Variants in UGT1A8 observed in about 807,000 individuals in gnomAD.
The protein encoded by UGT1A8 is UDP-glucuronosyltransferase 1A8.
Under a neutral mutation model 45.3 loss-of-function variants are expected in UGT1A8, and 39 were observed. That is an observed-to-expected ratio of 0.86 (90% CI 0.67 to 1.12). The LOEUF (loss-of-function observed/expected upper bound fraction) is 1.12, where lower values mean the gene tolerates loss of function less well. Among genes scored for constraint, UGT1A8 ranks in the 50% most tolerant of loss-of-function variants. The probability of loss-of-function intolerance (pLI) is 0.00; values close to 1 mark genes in which losing one functional copy is unlikely to be tolerated. For synonymous variants in UGT1A8, 275 were observed against 249.2 expected (o/e 1.10, Z -0.97); for missense variants, 719 against 664.9 (o/e 1.08, Z -0.90).
At position 233,769,321 on chromosome 2, in the gene UGT1A8, T is replaced by C. The variant is rs571873884; in HGVS notation, c.1295+882T>C. Among the ~76,000 whole-genome samples, 2 of 152,374 alleles carry C rather than the reference T, an allele frequency of 1.3e-5. No individual in the cohort carries two copies. The highest frequency in any genetic ancestry group is 4.1e-4 in the South Asian group (2 of 4,830). ...AGTATATTACTGTCAAGCTCACTGG[T>C]AATAGGCTTATTAGAACCTTATGGG... On this transcript the variant is annotated intron_variant, in intron 4 of 4. Coordinates refer to ENST00000373450, the MANE Select transcript of UGT1A8 (RefSeq NM_019076.5). The surrounding 1 kb of genome is among the most constrained non-coding windows in gnomAD (Gnocchi z 4.4).
intron 1 of UGT1A8, among the ~76,000 whole-genome samples, chr2:233,724,466 G>T (rs1369027656): frequency 2.6e-5 from 2 of 77,260 alleles, no homozygotes; most frequent in African/African-American, 4.9e-5. Context: ...GGGCGGAGGG[G>T]CTCCTCACTT....
At chr2:233,710,354 C>T (rs1003120760) in intron 1 of UGT1A8, among the ~76,000 whole-genome samples, 3 of 152,174 alleles carry the variant, frequency 2.0e-5, no homozygotes, top group Non-Finnish European at 4.4e-5. Context: ...GTTTCCAAAG[C>T]AGTTATACAA....
intron 1 of UGT1A8, among the ~76,000 whole-genome samples, chr2:233,694,343 T>A (rs1046388830): frequency 1.3e-5 from 2 of 152,038 alleles, no homozygotes; most frequent in Admixed American, 6.5e-5. Flanking sequence ...TGTTTTTATA[T>A]GGCCCAGAGC....
chr2:233,748,482 T>G (rs1174810693), intron 1 of UGT1A8, among the ~76,000 whole-genome samples: 1 of 151,838 alleles, frequency 6.6e-6, no homozygotes, highest in African/African-American at 2.4e-5. Flanking sequence ...AAATTACAAT[T>G]GTTAATGTGA....
intron 1 of UGT1A8, among the ~76,000 whole-genome samples, chr2:233,650,499 C>G (rs1474503124): frequency 6.6e-6 from 1 of 152,160 alleles, no homozygotes. Context: ...GAATTGTTTC[C>G]TTGCAAATTG....
chr2:233,700,705 T>C (rs955776859), intron 1 of UGT1A8, among the ~76,000 whole-genome samples: 13 of 150,812 alleles, frequency 8.6e-5, no homozygotes, highest in Non-Finnish European at 1.6e-4. Flanking sequence ...ACTTTGAATG[T>C]TTTTTTCTTT....
rs531889004 is a variant in UGT1A8 at position 233,731,047 on chromosome 2, T to C, written c.856-35987T>C. Among the ~76,000 whole-genome samples, 5 of 152,366 alleles carry C rather than the reference T, an allele frequency of 3.3e-5. No homozygotes were observed. In the East Asian group the frequency reaches 5.8e-4, roughly 18 times the overall value. On this transcript the variant is annotated intron_variant, in intron 1 of 4. Transcript: ENST00000373450. ...GCCTTTTTATGTCATATTCACCGAA[T>C]GTGTATGAACTTCCATGATTTAGAT...
At chr2:233,754,747 A>G (rs527716521) in intron 1 of UGT1A8, 1 of 765,704 alleles carries the variant, frequency 1.3e-6, no homozygotes, top group African/African-American at 1.8e-5. Context: ...GACATGCAGA[A>G]GGAAGAAAGG....
At chr2:233,624,996 T>C (rs532333383) in intron 1 of UGT1A8, among the ~76,000 whole-genome samples, 2 of 152,170 alleles carry the variant, frequency 1.3e-5, no homozygotes, top group East Asian at 3.9e-4. Context: ...CCGTGTGAAG[T>C]AGAAAATCCA....
intron 1 of UGT1A8, among the ~76,000 whole-genome samples, chr2:233,749,024 T>C (rs1310542743): frequency 6.6e-6 from 1 of 151,748 alleles, no homozygotes; most frequent in East Asian, 1.9e-4. Flanking sequence ...CCAGAATATT[T>C]GGGGTTCATT....
intron 1 of UGT1A8, among the ~76,000 whole-genome samples, chr2:233,702,899 G>T (rs1390474753): frequency 6.6e-6 from 1 of 152,144 alleles, no homozygotes; most frequent in East Asian, 1.9e-4. Flanking sequence ...ATCCATAAGA[G>T]ATATTGGAAG....
chr2:233,698,436 A>T (rs1260563861), intron 1 of UGT1A8, among the ~76,000 whole-genome samples: 2 of 152,326 alleles, frequency 1.3e-5, no homozygotes, highest in African/African-American at 4.8e-5. Flanking sequence ...AGAAAAGAAG[A>T]TATATCACAG....
intron 1 of UGT1A8, among the ~76,000 whole-genome samples, chr2:233,623,703 A>G (rs922269508): frequency 3.3e-5 from 5 of 152,130 alleles, no homozygotes; most frequent in Admixed American, 1.3e-4. Flanking sequence ...ATGTAGATCA[A>G]TGGAATAGAA....
At chr2:233,639,513 G>A (rs866882359) in intron 1 of UGT1A8, among the ~76,000 whole-genome samples, 2 of 152,300 alleles carry the variant, frequency 1.3e-5, no homozygotes, top group African/African-American at 4.8e-5. Context: ...GTTACATCTT[G>A]CTGGGAAACA....
intron 1 of UGT1A8, among the ~76,000 whole-genome samples, chr2:233,757,643 G>A (rs955610345): frequency 6.7e-6 from 1 of 150,102 alleles, no homozygotes; most frequent in African/African-American, 2.5e-5. Context: ...AGAACAAAAT[G>A]CTGTTTTTCT....
chr2:233,712,529 C>A (rs1162608950), intron 1 of UGT1A8, among the ~76,000 whole-genome samples: 3 of 152,310 alleles, frequency 2.0e-5, no homozygotes, highest in Middle Eastern at 3.4e-3. Flanking sequence ...TGCTGTGTTA[C>A]CCATATGTGG....
At chr2:233,680,120 G>A (rs2074476021) in intron 1 of UGT1A8, among the ~76,000 whole-genome samples, 1 of 151,566 alleles carries the variant, frequency 6.6e-6, no homozygotes, top group Non-Finnish European at 1.5e-5. Flanking sequence ...CTCAATCTAC[G>A]GTACCTATCA....
intron 1 of UGT1A8, chr2:233,719,098 C>A (rs188914242): frequency 6.2e-7 from 1 of 1,614,122 alleles, no homozygotes; most frequent in Non-Finnish European, 8.5e-7. Flanking sequence ...GATCGCGTTA[C>A]GCTGGGCTAC....
At chr2:233,744,177 C>G (rs1335639755) in intron 1 of UGT1A8, among the ~76,000 whole-genome samples, 1 of 151,854 alleles carries the variant, frequency 6.6e-6, no homozygotes, top group Admixed American at 6.5e-5. Context: ...CGGCCTCCAA[C>G]CAGCCATGGT....
Sources: gnomAD v4.1 joint callset for allele counts (sites outside exome capture counted in the v4.1 genomes callset) on GRCh38, gnomAD v4.1.1 for gene constraint, Gnocchi (gnomAD v3.1) non-coding constraint, MANE v1.5 for transcripts, NCBI Gene and HGNC (gene_info 2026-07-23, HGNC 2026-07-21) for gene names.